IGF2BP3: variants seen among roughly 807,000 people sequenced by gnomAD.
IGF2BP3 encodes the protein insulin-like growth factor 2 mRNA-binding protein 3.
A neutral mutation model predicts 73.8 loss-of-function variants in IGF2BP3; 9 were observed. That is an observed-to-expected ratio of 0.12 (90% CI 0.07 to 0.21). The LOEUF (loss-of-function observed/expected upper bound fraction) is 0.21, where lower values mean the gene tolerates loss of function less well. Among genes scored for constraint, IGF2BP3 ranks in the 10% least tolerant of loss-of-function variants. IGF2BP3 has a pLI of 1.00. For synonymous variants in IGF2BP3, 258 were observed against 256.7 expected (o/e 1.01, Z -0.05); for missense variants, 542 against 714.0 (o/e 0.76, Z 2.75).
At chr7:23,441,072 T>C (rs566006155) in intron 2 of IGF2BP3, among the ~76,000 whole-genome samples, 5 of 152,124 alleles carry the variant, frequency 3.3e-5, no homozygotes, top group South Asian at 2.1e-4. Flanking sequence ...GCAAATAATA[T>C]ACTTGAAGTA....
chr7:23,356,898 A>G (rs966609489), intron 5 of IGF2BP3, among the ~76,000 whole-genome samples: 2 of 152,204 alleles, frequency 1.3e-5, no homozygotes, highest in African/African-American at 4.8e-5. Context: ...ACAACAGAAG[A>G]CGGGATAGGA....
rs753806362 is a variant in IGF2BP3, at chr7:23,469,908, G to A, written c.175+28C>T. ...CGGGCGGTGCAGGGCTGGGGCGAGA[G>A]CCCGGGTGGGGCCAGGCCCGGGCCC... On this transcript the variant is annotated intron_variant, in intron 1 of 14. Transcript: ENST00000258729. The surrounding 1 kb of genome is among the most constrained non-coding windows in gnomAD (Gnocchi z 6.1). The A allele has an allele frequency of 3.2e-6, 5 of 1,572,476 alleles. No homozygotes were observed. Among genetic ancestry groups the A allele is most frequent in the Non-Finnish European group, 4.3e-6 (5 of 1,161,638 alleles).
Position 23,351,431 on chromosome 7 carries a change from C to T in IGF2BP3, c.557G>A (p.Gly186Glu), listed in dbSNP as rs752068342. Residue 186 changes from glycine to glutamate, a missense_variant, in exon 6 of 15, where the codon GGA becomes GAA. Transcript: ENST00000258729. ...ACATGGTTTCTGCTTGGATACGGATCCTGGAGACCCCTGCCTTGAGGAGCC... is the reference window on the plus strand; with the variant it reads ...ACATGGTTTCTGCTTGGATACGGATTCTGGAGACCCCTGCCTTGAGGAGCC... ...QRGSSRQGSP[G>E]SVSKQKPCDL... is the part of the protein sequence containing the mutation. 6.2e-7 allele frequency: 1 copy of T among 1,613,460 alleles called. No individual in the cohort carries two copies. The highest frequency in any genetic ancestry group is 8.5e-7 in the Non-Finnish European group (1 of 1,179,748).
intron 3 of IGF2BP3, chr7:23,362,398 T>C (rs192649768): frequency 2.0e-5 from 3 of 152,378 alleles, no homozygotes; most frequent in East Asian, 3.9e-4. Flanking sequence ...GCACAGTGCA[T>C]ACTCTACCTG....
chr7:23,321,081 A>T (rs951773852), intron 10 of IGF2BP3, among the ~76,000 whole-genome samples: 4 of 152,220 alleles, frequency 2.6e-5, no homozygotes, highest in Non-Finnish European at 4.4e-5. Flanking sequence ...AAGATGGCCA[A>T]ATAGGAACAG....
chr7:23,325,467 G>T (rs1208122217), intron 10 of IGF2BP3, among the ~76,000 whole-genome samples: 1 of 152,160 alleles, frequency 6.6e-6, no homozygotes, highest in Non-Finnish European at 1.5e-5. Flanking sequence ...TGGGTAGGAA[G>T]AATCAATATC....
At chr7:23,347,855 T>C in intron 6 of IGF2BP3, 121 bp from the exon 7 acceptor site, 1 of 1,118,430 alleles carries the variant, frequency 8.9e-7, no homozygotes, top group Non-Finnish European at 1.3e-6. Context: ...CTCACTTCCC[T>C]CAAGAGCATA....
At chr7:23,352,165 G>T (rs1175894151) in intron 5 of IGF2BP3, among the ~76,000 whole-genome samples, 1 of 151,710 alleles carries the variant, frequency 6.6e-6, no homozygotes, top group Non-Finnish European at 1.5e-5. Context: ...GCCAGTCCCT[G>T]ACTTTGTGGT....
At chr7:23,425,106 C>T (rs1452445808) in intron 2 of IGF2BP3, among the ~76,000 whole-genome samples, 2 of 152,204 alleles carry the variant, frequency 1.3e-5, no homozygotes, top group African/African-American at 2.4e-5. Context: ...ATTAGATATC[C>T]ACTAAGTGTT....
chr7:23,364,252 T>C (rs1785308204), intron 3 of IGF2BP3, among the ~76,000 whole-genome samples: 1 of 151,770 alleles, frequency 6.6e-6, no homozygotes, highest in Non-Finnish European at 1.5e-5. Flanking sequence ...TGCGCGCTTG[T>C]AGTCCCAGCT....
At chr7:23,393,750 T>C (rs559165228) in intron 3 of IGF2BP3, among the ~76,000 whole-genome samples, 1 of 152,344 alleles carries the variant, frequency 6.6e-6, no homozygotes, top group East Asian at 1.9e-4. Flanking sequence ...CATGTTCATT[T>C]TGCATGCCAA....
chr7:23,359,984 G>A (rs912049795), intron 5 of IGF2BP3, among the ~76,000 whole-genome samples: 2 of 151,660 alleles, frequency 1.3e-5, no homozygotes, highest in African/African-American at 4.8e-5. Flanking sequence ...GATACCAACA[G>A]AAGAAATACA....
intron 10 of IGF2BP3, among the ~76,000 whole-genome samples, chr7:23,331,435 G>C (rs374947447): frequency 6.6e-6 from 1 of 152,126 alleles, no homozygotes; most frequent in African/African-American, 2.4e-5. Flanking sequence ...TGAAGATAAA[G>C]GAATTGAAAC....
At chr7:23,406,988 A>C (rs942994961) in intron 3 of IGF2BP3, among the ~76,000 whole-genome samples, 2 of 152,166 alleles carry the variant, frequency 1.3e-5, no homozygotes, top group Admixed American at 1.3e-4. Context: ...TTCAGCTTCA[A>C]CATCATGAAG....
At position 23,317,660 on chromosome 7, in the gene IGF2BP3, T is replaced by G; in HGVS notation, c.1374A>C (p.Gly458=). The change falls in exon 12 of 15, where the codon GGA becomes GGC. Residue 458 remains glycine (G), a synonymous_variant. Coordinates refer to ENST00000258729, the MANE Select transcript of IGF2BP3 (RefSeq NM_006547.3). ...ATACCTTGAACTGAGCCTCTGGTGGTCCAGTGATAATCACCATCCTCACTT... is the reference window on the plus strand; with the variant it reads ...ATACCTTGAACTGAGCCTCTGGTGGGCCAGTGATAATCACCATCCTCACTT... ...DAKVRMVIIT[G]PPEAQFKAQG... is the part of the protein sequence containing the mutation. 1 of 1,614,068 alleles carries G rather than the reference T, an allele frequency of 6.2e-7. No individual in the cohort carries two copies. Among genetic ancestry groups the G allele is most frequent in the Non-Finnish European group, 8.5e-7 (1 of 1,179,920 alleles).
At chr7:23,405,763 A>G (rs1786809517) in intron 3 of IGF2BP3, among the ~76,000 whole-genome samples, 1 of 152,184 alleles carries the variant, frequency 6.6e-6, no homozygotes, top group Admixed American at 6.5e-5. Flanking sequence ...CCCTTCCCCA[A>G]CCATGAAAAA....
intron 10 of IGF2BP3, among the ~76,000 whole-genome samples, chr7:23,341,377 A>G (rs567941946): frequency 6.6e-6 from 1 of 152,312 alleles, no homozygotes; most frequent in South Asian, 2.1e-4. Flanking sequence ...TTAGTATTTA[A>G]TAATTACTGG....
rs149270071 is a variant in IGF2BP3 at position 23,396,395 on chromosome 7, G to A, written c.285+22381C>T. On this transcript the variant is annotated intron_variant, in intron 3 of 14. Coordinates refer to ENST00000258729, the MANE Select transcript of IGF2BP3 (RefSeq NM_006547.3). Reference sequence around the variant, plus strand: ...TGCACTGGGCAACAGAGAAGACTCTGACTTCTGAAATATGTACTTACACAC... The same window carrying A: ...TGCACTGGGCAACAGAGAAGACTCTAACTTCTGAAATATGTACTTACACAC... 771 of 154,590 alleles carry A rather than the reference G, an allele frequency of 5.0e-3. 9 individuals are homozygous for A. The highest frequency in any genetic ancestry group is 0.017 in the African/African-American group (698 of 40,730). The allele number at this position is 154,590 out of a possible 1,614,324, so 9.6% of individuals were successfully genotyped here.
intron 10 of IGF2BP3, among the ~76,000 whole-genome samples, chr7:23,328,232 A>G (rs2128496233): frequency 6.6e-6 from 1 of 152,198 alleles, no homozygotes; most frequent in African/African-American, 2.4e-5. Context: ...TTTTTGAGAC[A>G]GAGTCTTGCT....
Sources: allele counts gnomAD v4.1 joint callset (sites outside exome capture counted in the v4.1 genomes callset), GRCh38; gene constraint gnomAD v4.1.1; non-coding constraint Gnocchi (gnomAD v3.1); transcripts MANE v1.5; gene names NCBI Gene and HGNC (gene_info 2026-07-23, HGNC 2026-07-21).